Variants in ADGRV1 observed in about 807,000 individuals in gnomAD.
The protein encoded by ADGRV1 is G-protein coupled receptor 98.
In ADGRV1, 359 loss-of-function variants were observed where a neutral mutation model predicts 596.2. The ratio of observed to expected loss-of-function variants is 0.60; its 90% confidence interval spans 0.55 to 0.66. The LOEUF (loss-of-function observed/expected upper bound fraction) is 0.66, where lower values mean the gene tolerates loss of function less well. ADGRV1 is among the 30% of genes least tolerant of loss of function. The probability of loss-of-function intolerance (pLI) is 0.00; values close to 1 mark genes in which losing one functional copy is unlikely to be tolerated. For missense variants in ADGRV1, 7,274 were observed against 7,575.6 expected (o/e 0.96, Z 1.48); for synonymous variants, 2,681 against 2,679.2 (o/e 1.00, Z -0.02).
chr5:90,713,359 G>A (rs2149727653), intron 42 of ADGRV1, among the ~76,000 whole-genome samples: 1 of 147,942 alleles, frequency 6.8e-6, no homozygotes, highest in Admixed American at 6.7e-5. Context: ...TTTTTTTGAG[G>A]CTGTGGCTGT....
chr5:90,890,285 A>G (rs1293757582), intron 83 of ADGRV1, among the ~76,000 whole-genome samples: 1 of 152,032 alleles, frequency 6.6e-6, no homozygotes, highest in African/African-American at 2.4e-5. Flanking sequence ...TTGAAAGGCT[A>G]TTCTGCCCTG....
At chr5:91,116,088 A>G (rs945660636) in intron 87 of ADGRV1, among the ~76,000 whole-genome samples, 5 of 152,326 alleles carry the variant, frequency 3.3e-5, no homozygotes, top group African/African-American at 9.6e-5. Context: ...CTACAGTTCT[A>G]CTGAAAAAAA....
intron 86 of ADGRV1, among the ~76,000 whole-genome samples, chr5:91,090,682 T>C (rs1254255819): frequency 6.6e-6 from 1 of 151,860 alleles, no homozygotes; most frequent in Non-Finnish European, 1.5e-5. Flanking sequence ...CCTTCACATA[T>C]CAGTAAGGGT....
intron 85 of ADGRV1, among the ~76,000 whole-genome samples, chr5:91,023,843 A>C (rs1026115016): frequency 2.0e-5 from 3 of 152,108 alleles, no homozygotes; most frequent in African/African-American, 7.2e-5. Context: ...ATTTTTGTTT[A>C]TTTTTAGGAC....
intron 86 of ADGRV1, among the ~76,000 whole-genome samples, chr5:91,074,124 A>G (rs879363464): frequency 3.9e-5 from 6 of 152,152 alleles, no homozygotes; most frequent in Non-Finnish European, 7.3e-5. Context: ...TTTCAGTTTT[A>G]ATACTCTTTA....
chr5:90,736,695 G>A (rs1335612566), intron 50 of ADGRV1, among the ~76,000 whole-genome samples: 1 of 151,810 alleles, frequency 6.6e-6, no homozygotes, highest in Admixed American at 6.6e-5. Context: ...TTCAGTCTTA[G>A]TAGGTGCTAT....
At chr5:90,704,591 A>C in intron 36 of ADGRV1, 103 bp downstream of exon 36, 1 of 664,206 alleles carries the variant, frequency 1.5e-6, no homozygotes, top group Non-Finnish European at 2.6e-6. Context: ...CCAATTTTTA[A>C]AATGTTACTT....
At chr5:90,691,484 A>G (rs1746472413) in intron 31 of ADGRV1, among the ~76,000 whole-genome samples, 1 of 146,948 alleles carries the variant, frequency 6.8e-6, no homozygotes, top group South Asian at 2.1e-4. Flanking sequence ...TCCTGGGTTT[A>G]AGGGATTCTC....
At chr5:90,964,117 A>G (rs1202840339) in intron 83 of ADGRV1, among the ~76,000 whole-genome samples, 18 of 152,060 alleles carry the variant, frequency 1.2e-4, no homozygotes, top group Non-Finnish European at 2.5e-4. Context: ...GAGTTGAGGG[A>G]CATGTCCTTG....
intron 85 of ADGRV1, among the ~76,000 whole-genome samples, chr5:91,017,422 T>C (rs1783264418): frequency 6.6e-6 from 1 of 151,976 alleles, no homozygotes; most frequent in African/African-American, 2.4e-5. Flanking sequence ...GTCTTTTGCT[T>C]TCCTATCTGA....
At chr5:90,872,875 G>A (rs1768834722) in intron 83 of ADGRV1, among the ~76,000 whole-genome samples, 1 of 152,090 alleles carries the variant, frequency 6.6e-6, no homozygotes, top group Non-Finnish European at 1.5e-5. Context: ...CATTTACTCT[G>A]TTACTATAGT....
At chr5:90,657,073 T>C (rs532349710) in intron 20 of ADGRV1, among the ~76,000 whole-genome samples, 5 of 152,062 alleles carry the variant, frequency 3.3e-5, no homozygotes, top group African/African-American at 1.2e-4. Context: ...GTCTAACATA[T>C]CAAGCCTTGA....
At chr5:90,818,469 G>T (rs1413268875) in intron 75 of ADGRV1, among the ~76,000 whole-genome samples, 1 of 150,354 alleles carries the variant, frequency 6.7e-6, no homozygotes, top group Non-Finnish European at 1.5e-5. Context: ...GGAGTGGTGA[G>T]AGAGGGCATC....
intron 48 of ADGRV1, among the ~76,000 whole-genome samples, chr5:90,726,464 C>A (rs2149801488): frequency 6.6e-6 from 1 of 152,228 alleles, no homozygotes; most frequent in South Asian, 2.1e-4. Context: ...AAAGAATTTT[C>A]TACTTGTTTT....
chr5:90,799,322 TC>T, intron 70 of ADGRV1, among the ~76,000 whole-genome samples: 1 of 152,250 alleles, frequency 6.6e-6, no homozygotes, highest in Admixed American at 6.5e-5. Flanking sequence ...GAACTCCCAT[TC>T]CCAATTGCTA....
At chr5:90,751,515 A>G (rs764434426) in intron 53 of ADGRV1, among the ~76,000 whole-genome samples, 2 of 152,128 alleles carry the variant, frequency 1.3e-5, no homozygotes, top group Non-Finnish European at 2.9e-5. Context: ...TTACTGGAGA[A>G]TAGTATAAAG....
At chr5:90,655,123 C>A (rs1283244816) in intron 20 of ADGRV1, 2 of 152,120 alleles carry the variant, frequency 1.3e-5, no homozygotes, top group African/African-American at 4.8e-5. Flanking sequence ...AACTTAAATT[C>A]ATCAGTTTCA....
At chr5:90,657,093 A>G (rs1166208452) in intron 20 of ADGRV1, among the ~76,000 whole-genome samples, 2 of 151,874 alleles carry the variant, frequency 1.3e-5, no homozygotes, top group Non-Finnish European at 2.9e-5. Flanking sequence ...AAGTTCTTAA[A>G]TAATAATATA....
At chr5:90,607,701 C>T (rs186773068) in intron 1 of ADGRV1, among the ~76,000 whole-genome samples, 3 of 152,234 alleles carry the variant, frequency 2.0e-5, no homozygotes, top group East Asian at 1.9e-4. Context: ...GTGGTTCACT[C>T]GTTCACTGAA....
Sources: gnomAD v4.1 joint callset for allele counts (sites outside exome capture counted in the v4.1 genomes callset) on GRCh38, gnomAD v4.1.1 for gene constraint, MANE v1.5 for transcripts, NCBI Gene and HGNC (gene_info 2026-07-23, HGNC 2026-07-21) for gene names.